The following SLC39A13 variants were observed in gnomAD, a reference collection of about 807,000 sequenced individuals.
The protein encoded by SLC39A13 is solute carrier family 39 member 13, also known as zinc transporter ZIP13.
In SLC39A13, 18 loss-of-function variants were observed where a neutral mutation model predicts 38.7. The ratio of observed to expected loss-of-function variants is 0.47; its 90% CI spans 0.32 to 0.69. The LOEUF is 0.69. SLC39A13 is among the 30% of genes least tolerant of loss of function. The pLI, the probability that SLC39A13 is intolerant of heterozygous loss-of-function variation, is 0.03. For synonymous variants in SLC39A13, 212 were observed against 219.1 expected (o/e 0.97, Z 0.29); for missense variants, 395 against 490.7 (o/e 0.80, Z 1.84).
chr11:47,415,543 C>A lies in SLC39A13; in HGVS notation c.*180C>A, dbSNP rs1236952448. 5 of 719,070 alleles carry A rather than the reference C, an allele frequency of 7.0e-6. No individual in the cohort carries two copies. In the East Asian group the frequency reaches 1.1e-4, roughly 16 times the overall value. 44.5% of individuals were successfully genotyped at this position (719,070 alleles called of 1,614,324 possible). A position where few individuals can be genotyped will look rare whatever the true frequency, so the allele number is the denominator to read the frequency against. Reference sequence around the variant, plus strand: ...GTGCACATGTGGCCAGAGGTGTGTGCGCGAGACCGACACTGTGATCCCTGT... The same window carrying A: ...GTGCACATGTGGCCAGAGGTGTGTGAGCGAGACCGACACTGTGATCCCTGT... On this transcript the variant is annotated 3_prime_UTR_variant, in exon 10 of 10. Transcript: ENST00000362021.
chr11:47,415,625 C>A lies in SLC39A13; in HGVS notation c.*262C>A. ...CCCAGCCATGCTGTGGTTACCTCTC[C>A]TTGCCGCCCTGTCACCTTCACCTCC... On this transcript the variant is annotated 3_prime_UTR_variant, in exon 10 of 10. Transcript: ENST00000362021. 1.7e-6 allele frequency: 1 copy of A among 593,730 alleles called. No homozygotes were observed. Among genetic ancestry groups the A allele is most frequent in the East Asian group, 3.0e-5 (1 of 33,646 alleles). The allele number at this position is 593,730 out of a possible 1,614,324, so 36.8% of individuals were successfully genotyped here.
rs750123189 is a variant in SLC39A13 at position 47,413,502 on chromosome 11, A to G, written c.640A>G (p.Ile214Val). Reference protein sequence around the residue: ...EPGLGAVVRSIKVSGYLNLLA... With the variant: ...EPGLGAVVRSVKVSGYLNLLA... ...CGGCCTCGGTGCCGTGGTCCGGAGC[A>G]TCAAAGTGAGTGGCCTGCTCAGGGC... The change falls in exon 5 of 10, where the codon ATC (isoleucine) becomes GTC (valine). Residue 214 changes from isoleucine (I) to valine (V), a missense_variant. Physicochemically the swap from Ile to Val is conservative, Grantham distance 29 (BLOSUM62 3). Coordinates refer to ENST00000362021, the MANE Select transcript of SLC39A13 (RefSeq NM_001128225.3). 9.9e-5 allele frequency: 160 copies of G among 1,613,980 alleles called. No individual in the cohort carries two copies. Among genetic ancestry groups the G allele is most frequent in the Non-Finnish European group, 1.1e-4 (135 of 1,180,018 alleles).
intron 7 of SLC39A13, 116 bp from the exon 8 acceptor site, chr11:47,414,659 TGG>T (rs1161628658): frequency 6.5e-7 from 1 of 1,550,140 alleles, no homozygotes; most frequent in African/African-American, 1.4e-5. Context: ...ATACTCAGGA[TGG>T]GGGTCCCAGG....
In SLC39A13 at chr11:47,410,124, C is replaced by T. The variant is rs746447563; in HGVS notation, c.30C>T (p.Gly10=). 6.2e-7 allele frequency: 1 copy of T among 1,613,264 alleles called. No individual in the cohort carries two copies. Among genetic ancestry groups the T allele is most frequent in the Non-Finnish European group, 8.5e-7 (1 of 1,180,010 alleles). Residue 10 remains glycine (G), a synonymous_variant, in exon 2 of 10, where the codon GGC becomes GGT. Coordinates refer to ENST00000362021, the MANE Select transcript of SLC39A13 (RefSeq NM_001128225.3). MPGCPCPGC[G]MAGPRLLFLT... is the part of the protein sequence containing the mutation. Reference sequence around the variant, plus strand: ...CTGGATGTCCCTGCCCTGGCTGTGGCATGGCGGGCCCAAGGCTCCTCTTCC... The same window carrying T: ...CTGGATGTCCCTGCCCTGGCTGTGGTATGGCGGGCCCAAGGCTCCTCTTCC...
At position 47,413,492 on chromosome 11, in the gene SLC39A13, G is replaced by A. The variant is rs148531817; in HGVS notation, c.630G>A (p.Val210=). 4 of 1,613,936 alleles carry A rather than the reference G, an allele frequency of 2.5e-6. No homozygotes were observed. In the African/African-American group the frequency reaches 5.3e-5, roughly 22 times the overall value. ...CTGCAGAGCCCGGCCTCGGTGCCGT[G>A]GTCCGGAGCATCAAAGTGAGTGGCC... ...QPAAEPGLGA[V]VRSIKVSGYL... is the part of the protein sequence containing the mutation. The change falls in exon 5 of 10, where the codon GTG becomes GTA. Residue 210 remains valine, a synonymous_variant. Transcript: ENST00000362021.
Position 47,414,368 on chromosome 11 carries a change from G to A in SLC39A13, c.736-57G>A, listed in dbSNP as rs566600179. ...GTAAACCTCTGTGGAATGAGTGGGC[G>A]AGTGGGGTGCTCAGCCCTCAACACA... On this transcript the variant is annotated intron_variant, in intron 6 of 9. Coordinates refer to ENST00000362021, the MANE Select transcript of SLC39A13 (RefSeq NM_001128225.3). 7.6e-5 allele frequency: 119 copies of A among 1,560,588 alleles called. No homozygotes were observed. The African/African-American group carries it at 1.0e-3, about 13-fold the overall frequency.
In SLC39A13 at chr11:47,412,456, G is replaced by A; in HGVS notation, c.526G>A (p.Gly176Arg). Residue 176 changes from glycine to arginine, a missense_variant, in exon 4 of 10, where the codon GGG becomes AGG. Transcript: ENST00000362021. The stretch of plus-strand genomic sequence containing the variant: ...GATGTTCCTGGACAGCAAGGAGGAG[G>A]GGACCAGCCAGGTGGGCCCCACACT... ...EKMFLDSKEEGTSQAPNKDPT... is the reference protein window; with the variant it reads ...EKMFLDSKEERTSQAPNKDPT... The A allele has an allele frequency of 2.5e-6, 4 of 1,614,178 alleles. No homozygotes were observed. Among genetic ancestry groups the A allele is most frequent in the Non-Finnish European group, 3.4e-6 (4 of 1,179,994 alleles).
Position 47,413,643 on chromosome 11 carries a change from C to T in SLC39A13, c.692C>T (p.Thr231Ile). ...NLLANTIDNF[T>I]HGLAVAASFL... ...CTGGCCAACACCATCGATAACTTCA[C>T]CCACGGGCTGGCTGTGGCTGCCAGC... The change falls in exon 6 of 10, where the codon ACC becomes ATC. Residue 231 changes from threonine to isoleucine, a missense_variant. Coordinates refer to ENST00000362021, the MANE Select transcript of SLC39A13 (RefSeq NM_001128225.3). The T allele has an allele frequency of 1.2e-6, 2 of 1,614,242 alleles. No homozygotes were observed. The highest frequency in any genetic ancestry group is 2.2e-5 in the East Asian group (1 of 44,882).
At chr11:47,409,597 A>G (rs1203119910) in intron 1 of SLC39A13, 1 of 177,746 alleles carries the variant, frequency 5.6e-6, no homozygotes, top group Non-Finnish European at 1.2e-5. Context: ...CCCTGGGGAC[A>G]TTGGTCTCAT....
At chr11:47,414,950 GA>G in intron 8 of SLC39A13, 41 bp downstream of exon 8, 1 of 1,603,704 alleles carries the variant, frequency 6.2e-7, no homozygotes, top group Non-Finnish European at 8.5e-7. Context: ...GGCATCAGCA[GA>G]GGGGCACCAG....
rs762542616 is a variant in SLC39A13 at position 47,413,504 on chromosome 11, C to T, written c.642C>T (p.Ile214=). ...GCCTCGGTGCCGTGGTCCGGAGCAT[C>T]AAAGTGAGTGGCCTGCTCAGGGCCC... ...EPGLGAVVRS[I]KVSGYLNLLA... Residue 214 remains isoleucine, a synonymous_variant, in exon 5 of 10, where the codon ATC becomes ATT. Coordinates refer to ENST00000362021, the MANE Select transcript of SLC39A13 (RefSeq NM_001128225.3). 3 of 1,614,092 alleles carry T rather than the reference C, an allele frequency of 1.9e-6. No individual in the cohort carries two copies. The highest frequency in any genetic ancestry group is 2.5e-6 in the Non-Finnish European group (3 of 1,180,012).
At chr11:47,407,682 C>G (rs1360147835), upstream of SLC39A13, 1 of 152,260 alleles carries the variant, frequency 6.6e-6, no homozygotes, top group Non-Finnish European at 1.5e-5. Context: ...CTTCAGGACA[C>G]CCAGGTTTGA....
rs2096028356 is a variant in SLC39A13, at chr11:47,416,437, C to T, written c.*1074C>T. 6.6e-6 allele frequency: 1 copy of T among 152,312 alleles called. No homozygotes were observed. Among genetic ancestry groups the T allele is most frequent in the Non-Finnish European group, 1.5e-5 (1 of 68,038 alleles). 9.4% of individuals were successfully genotyped at this position (152,312 alleles called of 1,614,324 possible). A position where few individuals can be genotyped will look rare whatever the true frequency, so the allele number is the denominator to read the frequency against. ...GTTTTATAGCAACTTTGCTGTGATT[C>T]CGTTTGTATCTGTAAATATTTGTTC... is the stretch of plus-strand genomic sequence containing the variant. On this transcript the variant is annotated 3_prime_UTR_variant, in exon 10 of 10. Transcript: ENST00000362021.
At position 47,416,099 on chromosome 11, in the gene SLC39A13, T is replaced by G. The variant is rs1421563457; in HGVS notation, c.*736T>G. On this transcript the variant is annotated 3_prime_UTR_variant, in exon 10 of 10. Coordinates refer to ENST00000362021, the MANE Select transcript of SLC39A13 (RefSeq NM_001128225.3). ...GGAGCAGCCCCAGGCCAGAGAGGCC[T>G]CCCGGTCCAGCTCAGGGATGCTCCT... The G allele has an allele frequency of 6.5e-6, 1 of 154,518 alleles. No homozygotes were observed. Among genetic ancestry groups the G allele is most frequent in the Non-Finnish European group, 1.4e-5 (1 of 69,420 alleles). 9.6% of individuals were successfully genotyped at this position (154,518 alleles called of 1,614,324 possible).
chr11:47,413,877 T>G, intron 6 of SLC39A13, 191 bp downstream of exon 6: 1 of 739,976 alleles, frequency 1.4e-6, no homozygotes, highest in Non-Finnish European at 2.4e-6. Flanking sequence ...TCTGTTCCTG[T>G]TCCCAGTACT....
At chr11:47,410,036 G>C (rs2095989666) in intron 1 of SLC39A13, 51 bp from the exon 2 acceptor site, 4 of 1,606,780 alleles carry the variant, frequency 2.5e-6, no homozygotes, top group Non-Finnish European at 3.4e-6. Context: ...TTCCTAAGCA[G>C]GTGTGCGGCC....
Position 47,410,201 on chromosome 11 carries a change from C to A in SLC39A13, c.107C>A (p.Ala36Asp). 1 of 1,613,872 alleles carries A rather than the reference C, an allele frequency of 6.2e-7. No individual in the cohort carries two copies. Among genetic ancestry groups the A allele is most frequent in the Non-Finnish European group, 8.5e-7 (1 of 1,179,984 alleles). ...GAAAGGGCTGGGGGTTCCCAGCCGGCCCTCCGGAGCCGGGGGACTGCGACG... is the reference window on the plus strand; with the variant it reads ...GAAAGGGCTGGGGGTTCCCAGCCGGACCTCCGGAGCCGGGGGACTGCGACG... ...LLERAGGSQP[A>D]LRSRGTATAC... The change falls in exon 2 of 10, where the codon GCC (alanine) becomes GAC (aspartate). Residue 36 changes from alanine (A) to aspartate (D), a missense_variant. By Grantham distance (126) the Ala-to-Asp change is moderately radical. Transcript: ENST00000362021.
intron 2 of SLC39A13, 41 bp from the exon 3 acceptor site, chr11:47,411,885 C>T: frequency 6.3e-7 from 1 of 1,586,164 alleles, no homozygotes; most frequent in Non-Finnish European, 8.6e-7. Flanking sequence ...GCCAGGAGCT[C>T]CAGCCAGTCA....
rs767271599 is a variant in SLC39A13, at chr11:47,412,038, T to C, written c.414T>C (p.Pro138=). 1.2e-6 allele frequency: 2 copies of C among 1,607,464 alleles called. No individual in the cohort carries two copies. The highest frequency in any genetic ancestry group is 1.7e-5 in the Admixed American group (1 of 59,150). Reference sequence around the variant, plus strand: ...GGGCCTACACGTGCAGCGCCAGCCCTGGTAAGTGAGGCCACACGCCAGGGG... The same window carrying C: ...GGGCCTACACGTGCAGCGCCAGCCCCGGTAAGTGAGGCCACACGCCAGGGG... The part of the protein sequence containing the change: ...EAWAYTCSAS[P]GGEGQSLQQQ... The change falls in exon 3 of 10, where the codon CCT becomes CCC. Residue 138 remains proline, a splice_region_variant and synonymous_variant. Transcript: ENST00000362021.
Sources: allele counts gnomAD v4.1 joint callset, GRCh38; gene constraint gnomAD v4.1.1; transcripts MANE v1.5; gene names NCBI Gene and HGNC (gene_info 2026-07-23, HGNC 2026-07-21).